PDS5A: variants seen among roughly 807,000 people sequenced by gnomAD.
The protein encoded by PDS5A is PDS5 cohesin associated factor A, also known as sister chromatid cohesion protein PDS5 homolog A.
PDS5A carries 42 observed loss-of-function variants against 167.1 expected under a neutral mutation model. The ratio of observed to expected loss-of-function variants is 0.25; its 90% CI spans 0.20 to 0.33. The LOEUF (loss-of-function observed/expected upper bound fraction) is 0.33, where lower values mean the gene tolerates loss of function less well. Among genes scored for constraint, PDS5A ranks in the 10% least tolerant of loss-of-function variants. The pLI, the probability that PDS5A is intolerant of heterozygous loss-of-function variation, is 1.00. For synonymous variants in PDS5A, 553 were observed against 554.6 expected, an observed-to-expected ratio of 1.00 and a Z score of 0.04; for missense variants, 1,033 against 1,605.9, an observed-to-expected ratio of 0.64 and a Z score of 6.10.
chr4:39,913,354 C>A (rs1235347387), intron 9 of PDS5A, among the ~76,000 whole-genome samples: 1 of 152,136 alleles, frequency 6.6e-6, no homozygotes, highest in Admixed American at 6.5e-5. Context: ...GCTGGGATTA[C>A]AGGCATGAGC....
chr4:39,974,208 C>G (rs1446811450), intron 2 of PDS5A: 2 of 572,470 alleles, frequency 3.5e-6, no homozygotes, highest in Non-Finnish European at 7.0e-6. Context: ...GCTCAGGGTG[C>G]CAGACCTCAT....
At chr4:39,930,246 A>AAAAAAAAAAAAGTTTT in intron 2 of PDS5A, among the ~76,000 whole-genome samples, 1 of 93,090 alleles carries the variant, frequency 1.1e-5, no homozygotes, top group Admixed American at 1.1e-4. Context: ...AAAAAAAAAA[A>AAAAAAAAAAAAGTTTT]GTTTTTTTGT....
chr4:39,898,339 T>C, intron 16 of PDS5A, 50 bp downstream of exon 16: 2 of 1,488,200 alleles, frequency 1.3e-6, no homozygotes, highest in East Asian at 2.5e-5. Flanking sequence ...ATAAAATACA[T>C]ATTTCTGTAA....
chr4:39,970,759 G>C (rs1370933977), intron 2 of PDS5A, among the ~76,000 whole-genome samples: 1 of 137,032 alleles, frequency 7.3e-6, no homozygotes, highest in Non-Finnish European at 1.6e-5. Context: ...CTAATTCTAA[G>C]ATTATGGTTC....
intron 26 of PDS5A, among the ~76,000 whole-genome samples, chr4:39,852,508 A>G (rs1298211650): frequency 6.6e-6 from 1 of 152,156 alleles, no homozygotes; most frequent in Non-Finnish European, 1.5e-5. Context: ...AGAATCTTCA[A>G]TGAATGCTCA....
At chr4:39,912,419 G>C (rs767970392) in intron 9 of PDS5A, among the ~76,000 whole-genome samples, 1 of 152,210 alleles carries the variant, frequency 6.6e-6, no homozygotes, top group African/African-American at 2.4e-5. Flanking sequence ...TGAAAGTGCA[G>C]TTGCTTCATT....
intron 2 of PDS5A, among the ~76,000 whole-genome samples, chr4:39,953,820 TATAA>T (rs1412507992): frequency 2.0e-5 from 3 of 152,202 alleles, no homozygotes; most frequent in Admixed American, 6.6e-5. Context: ...GCAAATGACC[TATAA>T]ATGTTTCTGT....
chr4:39,892,298 T>C (rs981310340), intron 16 of PDS5A, among the ~76,000 whole-genome samples: 4 of 152,162 alleles, frequency 2.6e-5, no homozygotes, highest in Non-Finnish European at 5.9e-5. Context: ...TCATTTCTTC[T>C]CTACCTCCTC....
chr4:39,850,271 C>CAAAAAA (rs1553889621), intron 26 of PDS5A, among the ~76,000 whole-genome samples: 4 of 94,848 alleles, frequency 4.2e-5, no homozygotes, highest in African/African-American at 1.5e-4. Flanking sequence ...GACTCTCTCT[C>CAAAAAA]AAAAAAAAAA....
rs555142540 is a variant in PDS5A, at chr4:39,953,202, G to A, written c.138+23238C>T. ...ACTTCTACCTTAGGACACAACAACC[G>A]CTCCACTACAGTGAAGCTGAGTTTG... On this transcript the variant is annotated intron_variant, in intron 2 of 32. Transcript: ENST00000303538. Among the ~76,000 whole-genome samples, 5 of 152,240 alleles carry A rather than the reference G, an allele frequency of 3.3e-5. No homozygotes were observed. In the South Asian group the frequency reaches 6.2e-4, roughly 19 times the overall value.
chr4:39,964,027 C>A (rs997275917), intron 2 of PDS5A, among the ~76,000 whole-genome samples: 3 of 152,086 alleles, frequency 2.0e-5, no homozygotes, highest in Non-Finnish European at 1.5e-5. Flanking sequence ...CTGCCTCAGC[C>A]TGAAATTAGC....
chr4:39,915,039 T>A (rs1724231014), intron 8 of PDS5A, among the ~76,000 whole-genome samples: 1 of 128,900 alleles, frequency 7.8e-6, no homozygotes, highest in African/African-American at 2.5e-5. Flanking sequence ...ATGACAAAAA[T>A]GATTTTTTTT....
At chr4:39,929,518 A>ACTCT (rs1478539709) in intron 2 of PDS5A, among the ~76,000 whole-genome samples, 2 of 22,766 alleles carry the variant, frequency 8.8e-5, no homozygotes, top group African/African-American at 4.9e-4. Context: ...TACTTAATAA[A>ACTCT]CTATATATAT....
At chr4:39,941,201 T>G (rs1727193636) in intron 2 of PDS5A, among the ~76,000 whole-genome samples, 1 of 149,384 alleles carries the variant, frequency 6.7e-6, no homozygotes, top group South Asian at 2.2e-4. Flanking sequence ...GGCAATAGAT[T>G]TAAAAATTTG....
intron 2 of PDS5A, among the ~76,000 whole-genome samples, chr4:39,963,288 T>C (rs1729666072): frequency 6.6e-6 from 1 of 152,032 alleles, no homozygotes; most frequent in Admixed American, 6.6e-5. Flanking sequence ...ATACTCCATC[T>C]GTATTAAAAT....
At chr4:39,836,109 G>A (rs1716360070) in intron 32 of PDS5A, among the ~76,000 whole-genome samples, 2 of 152,160 alleles carry the variant, frequency 1.3e-5, no homozygotes, top group African/African-American at 4.8e-5. Flanking sequence ...TTTGCTAGGC[G>A]CTTTCTTTAT....
rs193202709 is a variant in PDS5A, at chr4:39,973,539, C to T, written c.138+2901G>A. On this transcript the variant is annotated intron_variant, in intron 2 of 32. Transcript: ENST00000303538. ...AAGAGTTTTCTCCATTTGGTACAAT[C>T]ACTAGTGCAAAGGCTATGATGGAGG... 4.2e-5 allele frequency: 56 copies of T among 1,319,624 alleles called. No individual in the cohort carries two copies. In the Admixed American group the frequency reaches 8.6e-4, roughly 20 times the overall value. The allele number at this position is 1,319,624 out of a possible 1,614,324, so 81.7% of individuals were successfully genotyped here. A position where few individuals can be genotyped will look rare whatever the true frequency, so the allele number is the denominator to read the frequency against.
At chr4:39,842,673 G>A (rs139846196) in intron 30 of PDS5A, among the ~76,000 whole-genome samples, 251 of 151,514 alleles carry the variant, frequency 1.7e-3, no homozygotes, top group African/African-American at 5.5e-3. Flanking sequence ...TTGATGTGAC[G>A]GATATCCTAA....
Position 39,904,122 on chromosome 4 carries a change from C to T in PDS5A, c.1303G>A (p.Ala435Thr). The T allele has an allele frequency of 1.2e-6, 2 of 1,611,834 alleles. No homozygotes were observed. Among genetic ancestry groups the T allele is most frequent in the Non-Finnish European group, 1.7e-6 (2 of 1,178,286 alleles). Residue 435 changes from alanine to threonine, a missense_variant, in exon 12 of 33, where the codon GCA becomes ACA. By Grantham distance (58) the Ala-to-Thr change is moderately conservative (BLOSUM62 0). Transcript: ENST00000303538. ...ACTTTCTCTGCAGCTTCCTTTCCTG[C>T]TTCACCATGAAGACAGTATTTCTTA... ...LYKKYCLHGEAGKEAAEKVSW... is the reference protein window; with the variant it reads ...LYKKYCLHGETGKEAAEKVSW...
Sources: allele counts gnomAD v4.1 joint callset (sites outside exome capture counted in the v4.1 genomes callset), GRCh38; gene constraint gnomAD v4.1.1; transcripts MANE v1.5; gene names NCBI Gene and HGNC (gene_info 2026-07-23, HGNC 2026-07-21).